Variants in KLF13 observed in about 807,000 individuals in gnomAD.
The protein encoded by KLF13 is KLF transcription factor 13, also known as Krueppel-like factor 13.
Under a neutral mutation model 16.7 loss-of-function variants are expected in KLF13, and 8 were observed. The observed-to-expected ratio is 0.48, with a 90% CI of 0.28 to 0.87. The LOEUF (loss-of-function observed/expected upper bound fraction) is 0.87, where lower values mean the gene tolerates loss of function less well. Among genes scored for constraint, KLF13 ranks in the 40% least tolerant of loss-of-function variants. The probability of loss-of-function intolerance (pLI) is 0.10; values close to 1 mark genes in which losing one functional copy is unlikely to be tolerated. For missense variants in KLF13, 447 were observed against 452.2 expected (o/e 0.99, Z 0.10); for synonymous variants, 245 against 208.4 (o/e 1.18, Z -1.51).
intron 1 of KLF13, chr15:31,420,142 C>T (rs2040303871): frequency 2.1e-6 from 1 of 465,118 alleles, no homozygotes. Flanking sequence ...TCTCCCAAGA[C>T]CATAACCCAG....
intron 1 of KLF13, among the ~76,000 whole-genome samples, chr15:31,431,499 C>T (rs2040470911): frequency 1.3e-5 from 2 of 152,100 alleles, no homozygotes; most frequent in Admixed American, 6.5e-5. Flanking sequence ...GAGTCTCCCT[C>T]TGTCGCCCAG....
intron 1 of KLF13, among the ~76,000 whole-genome samples, chr15:31,431,830 C>T (rs529583985): frequency 9.2e-5 from 14 of 152,312 alleles, no homozygotes; most frequent in African/African-American, 3.4e-4. Flanking sequence ...AAACACTGCA[C>T]GATTCAATTT....
At chr15:31,429,432 G>A (rs910482820) in intron 1 of KLF13, among the ~76,000 whole-genome samples, 2 of 152,190 alleles carry the variant, frequency 1.3e-5, no homozygotes, top group African/African-American at 4.8e-5. Context: ...GGGGCTGGAA[G>A]AGGGGGGAAT....
chr15:31,382,239 C>T (rs564518325), downstream of KLF13, among the ~76,000 whole-genome samples: 1 of 152,298 alleles, frequency 6.6e-6, no homozygotes, highest in Admixed American at 6.5e-5. Context: ...GCCTGCCGGG[C>T]AGCAGCCACT....
At position 31,372,418 on chromosome 15, in the gene KLF13, A is replaced by G; in HGVS notation, c.*119A>G. ...AGTCCACGAAAAAACAATTTTTTTCACCTCAGGTGTCAAAGTAAATTTGTT... is the reference window on the plus strand; with the variant it reads ...AGTCCACGAAAAAACAATTTTTTTCGCCTCAGGTGTCAAAGTAAATTTGTT... On this transcript the variant is annotated 3_prime_UTR_variant, in exon 2 of 2. Transcript: ENST00000307145. The G allele has an allele frequency of 1.8e-6, 2 of 1,105,234 alleles. No homozygotes were observed. Among genetic ancestry groups the G allele is most frequent in the Non-Finnish European group, 2.4e-6 (2 of 835,390 alleles). 68.5% of individuals were successfully genotyped at this position (1,105,234 alleles called of 1,614,324 possible).
At chr15:31,381,886 C>T (rs1372592410), downstream of KLF13, among the ~76,000 whole-genome samples, 1 of 152,234 alleles carries the variant, frequency 6.6e-6, no homozygotes, top group Non-Finnish European at 1.5e-5. Context: ...GCTGCCTGCA[C>T]AGCCGTTGCT....
At chr15:31,365,219 C>G (rs2039446710) in intron 1 of KLF13, among the ~76,000 whole-genome samples, 1 of 152,182 alleles carries the variant, frequency 6.6e-6, no homozygotes, top group African/African-American at 2.4e-5. Context: ...TCTTTGGAAG[C>G]CTCTCCCTGT....
intron 1 of KLF13, among the ~76,000 whole-genome samples, chr15:31,342,852 G>T (rs142063984): frequency 6.6e-6 from 1 of 152,082 alleles, no homozygotes; most frequent in African/African-American, 2.4e-5. Context: ...CTTTATTTCC[G>T]TCTTCCTGTG....
rs1010912525 is a variant in KLF13, at chr15:31,373,284, C to G, written c.*985C>G. Reference sequence around the variant, plus strand: ...CAGTGGGCAGGTCATGGGGCCTCCTCATCAGAGGGTCTGTGTGAGCGGCTG... The same window carrying G: ...CAGTGGGCAGGTCATGGGGCCTCCTGATCAGAGGGTCTGTGTGAGCGGCTG... On this transcript the variant is annotated 3_prime_UTR_variant, in exon 2 of 2. Coordinates refer to ENST00000307145, the MANE Select transcript of KLF13 (RefSeq NM_015995.4). 15 of 152,284 alleles carry G rather than the reference C, an allele frequency of 9.9e-5. No homozygotes were observed. The highest frequency in any genetic ancestry group is 3.6e-4 in the African/African-American group (15 of 41,474). The allele number at this position is 152,284 out of a possible 1,614,324, so 9.4% of individuals were successfully genotyped here. A position where few individuals can be genotyped will look rare whatever the true frequency, so the allele number is the denominator to read the frequency against.
At position 31,375,637 on chromosome 15, in the gene KLF13, CAAGG is replaced by C. The variant is rs989905836; in HGVS notation, c.*3342_*3345del. On this transcript the variant is annotated 3_prime_UTR_variant, in exon 2 of 2. Transcript: ENST00000307145. ...GGGCTGGTGTTGCTCCTGTCCCAGA[CAAGG>C]AAGCCCCTCTTTACATCAGCCATAT... The C allele has an allele frequency of 3.9e-5, 6 of 152,270 alleles. No homozygotes were observed. Among genetic ancestry groups the C allele is most frequent in the Middle Eastern group, 3.4e-3 (1 of 294 alleles). 9.4% of individuals were successfully genotyped at this position (152,270 alleles called of 1,614,324 possible).
chr15:31,328,985 G>C (rs2038775841), intron 1 of KLF13, among the ~76,000 whole-genome samples: 1 of 152,144 alleles, frequency 6.6e-6, no homozygotes, highest in Non-Finnish European at 1.5e-5. Flanking sequence ...GGCATAAAAA[G>C]AAGCTGCAGC....
rs375896278 is a variant in KLF13 at position 31,372,693 on chromosome 15, G to A, written c.*394G>A. ...GCCAGCCAGTCTGGTGGAGCTCAGC[G>A]TCTGGCTGGCTGGCCAGCCTGTGGG... is the stretch of plus-strand genomic sequence containing the variant. On this transcript the variant is annotated 3_prime_UTR_variant, in exon 2 of 2. Coordinates refer to ENST00000307145, the MANE Select transcript of KLF13 (RefSeq NM_015995.4). The A allele has an allele frequency of 7.5e-4, 134 of 178,892 alleles. 1 individual carries two copies. The highest frequency in any genetic ancestry group is 3.0e-3 in the African/African-American group (128 of 42,432). The allele number at this position is 178,892 out of a possible 1,614,324, so 11.1% of individuals were successfully genotyped here. A position where few individuals can be genotyped will look rare whatever the true frequency, so the allele number is the denominator to read the frequency against.
intron 1 of KLF13, among the ~76,000 whole-genome samples, chr15:31,384,747 A>G (rs2039773707): frequency 6.6e-6 from 1 of 152,174 alleles, no homozygotes; most frequent in African/African-American, 2.4e-5. Context: ...GGCTGTCCAC[A>G]CGTTGGTGCA....
intron 1 of KLF13, among the ~76,000 whole-genome samples, chr15:31,342,844 T>G (rs1413307847): frequency 2.6e-5 from 4 of 152,198 alleles, no homozygotes; most frequent in African/African-American, 2.4e-5. Context: ...CTTTCCTGCT[T>G]TATTTCCGTC....
intron 1 of KLF13, among the ~76,000 whole-genome samples, chr15:31,412,364 T>A (rs2040205577): frequency 6.6e-6 from 1 of 152,058 alleles, no homozygotes; most frequent in African/African-American, 2.4e-5. Flanking sequence ...AAAACACCAG[T>A]GTAACATGGC....
chr15:31,402,588 T>C (rs113018439), intron 2 of KLF13, among the ~76,000 whole-genome samples: 1 of 152,332 alleles, frequency 6.6e-6, no homozygotes, highest in Non-Finnish European at 1.5e-5. Flanking sequence ...GACCTGGCTG[T>C]CAGCGGCACT....
chr15:31,328,868 C>G (rs1471796752), intron 1 of KLF13, among the ~76,000 whole-genome samples: 1 of 152,200 alleles, frequency 6.6e-6, no homozygotes, highest in Non-Finnish European at 1.5e-5. Context: ...TGACACTCAC[C>G]TCTTCTACCT....
At chr15:31,365,991 A>G (rs1347934766) in intron 1 of KLF13, among the ~76,000 whole-genome samples, 1 of 152,072 alleles carries the variant, frequency 6.6e-6, no homozygotes, top group Non-Finnish European at 1.5e-5. Context: ...AGATGAGGCA[A>G]TTGCTCTCAC....
At chr15:31,360,395 A>G (rs761501677) in intron 1 of KLF13, among the ~76,000 whole-genome samples, 2 of 152,202 alleles carry the variant, frequency 1.3e-5, no homozygotes, top group East Asian at 1.9e-4. Context: ...CAACGCACTT[A>G]GGCTGCGACA....
Sources: allele counts gnomAD v4.1 joint callset (sites outside exome capture counted in the v4.1 genomes callset), GRCh38; gene constraint gnomAD v4.1.1; transcripts MANE v1.5; gene names NCBI Gene and HGNC (gene_info 2026-07-23, HGNC 2026-07-21).